Variants in BTBD8 observed in about 807,000 individuals in gnomAD.
BTBD8 encodes BTB domain containing 8, also known as BTB/POZ domain-containing protein 8.
BTBD8 carries 110 observed loss-of-function variants against 162.9 expected under a neutral mutation model. The ratio of observed to expected loss-of-function variants is 0.68; its 90% CI spans 0.58 to 0.79. The LOEUF is 0.79. Among genes scored for constraint, BTBD8 ranks in the 30% least tolerant of loss-of-function variants. The pLI, the probability that BTBD8 is intolerant of heterozygous loss-of-function variation, is 0.00. For synonymous variants in BTBD8, 667 were observed against 716.1 expected (o/e 0.93, Z 1.10); for missense variants, 1,905 against 2,085.4 (o/e 0.91, Z 1.68).
rs151121487 is a variant in BTBD8, at chr1:92,162,368, A to G, written c.1123-4590A>G. On this transcript the variant is annotated intron_variant, in intron 9 of 17. Transcript: ENST00000636805. ...CATCCCTGAGGGCAAGCCTTGACCA[A>G]TGGGAGATGAGAGCCAGTGGTTAAT... 1.7e-3 allele frequency among the ~76,000 whole-genome samples: 266 copies of G among 152,318 alleles called. 3 individuals carry two copies. The highest frequency in any genetic ancestry group is 5.8e-3 in the African/African-American group (243 of 41,570).
intron 4 of BTBD8, among the ~76,000 whole-genome samples, chr1:92,127,809 C>T (rs1649400689): frequency 6.8e-6 from 1 of 147,896 alleles, no homozygotes; most frequent in Non-Finnish European, 1.5e-5. Context: ...GATCCGCCCG[C>T]CATGGCCTCC....
Position 92,184,076 on chromosome 1 carries a change from GATTCAAACTTAGATGTTACA to G in BTBD8, c.5127_5146del (p.Asp1709GlufsTer5), listed in dbSNP as rs1651007719. 1.3e-6 allele frequency: 2 copies of G among 1,551,506 alleles called. No individual in the cohort carries two copies. The highest frequency in any genetic ancestry group is 1.7e-6 in the Non-Finnish European group (2 of 1,146,886). On this transcript the variant is annotated frameshift_variant, in exon 18 of 18. Transcript: ENST00000636805. LOFTEE classifies it high-confidence loss of function. ...ACTAAAGCAACTGCTCTCTGAACAGGATTCAAACTTAGATGTTACAAATTCCGTTCCTGAAGACTTAAGTT... is the reference window on the plus strand; with the variant it reads ...ACTAAAGCAACTGCTCTCTGAACAGGAATTCCGTTCCTGAAGACTTAAGTT...
At chr1:92,155,871 G>T (rs1601020) in intron 9 of BTBD8, among the ~76,000 whole-genome samples, 97,152 of 151,860 alleles carry the variant, frequency 0.64, 31,581 homozygotes, top group East Asian at 0.97. Context: ...TATGTTATCT[G>T]CAAGCAGGGA....
chr1:92,181,105 G>A lies in BTBD8; in HGVS notation c.3422G>A (p.Cys1141Tyr). The change falls in exon 17 of 18, where the codon TGT becomes TAT. Residue 1141 changes from cysteine to tyrosine, a missense_variant. By Grantham distance (194) the Cys-to-Tyr change is radical. Transcript: ENST00000636805. ...KDTNKQSSIKCVEDVSLCNPE... is the reference protein window; with the variant it reads ...KDTNKQSSIKYVEDVSLCNPE... ...ACAAACAAACAATCAAGTATTAAAT[G>A]TGTGGAAGATGTTTCACTGTGTAAT... 2 of 1,551,630 alleles carry A rather than the reference G, an allele frequency of 1.3e-6. No individual in the cohort carries two copies. The highest frequency in any genetic ancestry group is 2.0e-5 in the Admixed American group (1 of 51,000).
At chr1:92,109,825 C>T (rs1049169586) in intron 4 of BTBD8, among the ~76,000 whole-genome samples, 6 of 152,120 alleles carry the variant, frequency 3.9e-5, no homozygotes, top group Non-Finnish European at 4.4e-5. Flanking sequence ...TGATCATTGT[C>T]AGCATTCTTC....
chr1:92,153,700 G>A (rs1650096916), intron 9 of BTBD8, among the ~76,000 whole-genome samples: 1 of 152,134 alleles, frequency 6.6e-6, no homozygotes, highest in Admixed American at 6.5e-5. Context: ...TCTTTTTAAA[G>A]AATGAATAAT....
chr1:92,160,327 G>A (rs1216379313), intron 9 of BTBD8, among the ~76,000 whole-genome samples: 2 of 151,976 alleles, frequency 1.3e-5, no homozygotes, highest in African/African-American at 2.4e-5. Flanking sequence ...TTCTCTGTGA[G>A]CTAAATCATA....
rs945759605 is a variant in BTBD8, at chr1:92,184,222, A to T, written c.5271A>T (p.Leu1757=). The stretch of plus-strand genomic sequence containing the variant: ...ACACTTTGAACAGATGGAGTGAACT[A>T]ACATCTCCACTTGATTCCTCAGCGA... The part of the protein sequence containing the change: ...HIDTLNRWSE[L]TSPLDSSASI... Residue 1757 remains leucine (L), a synonymous_variant, in exon 18 of 18, where the codon CTA becomes CTT. Transcript: ENST00000636805. The T allele has an allele frequency of 3.8e-5, 59 of 1,551,350 alleles. No homozygotes were observed. The highest frequency in any genetic ancestry group is 4.8e-5 in the Non-Finnish European group (55 of 1,146,714).
intron 2 of BTBD8, among the ~76,000 whole-genome samples, chr1:92,096,672 G>A (rs993744284): frequency 3.3e-5 from 5 of 151,658 alleles, no homozygotes; most frequent in African/African-American, 1.2e-4. Context: ...TGAGTAGCTG[G>A]GACTACAGGT....
chr1:92,126,465 A>C (rs1428077162), intron 4 of BTBD8: 1 of 888,776 alleles, frequency 1.1e-6, no homozygotes, highest in African/African-American at 1.7e-5. Flanking sequence ...TCACTGTCTG[A>C]AATCTGCCTC....
chr1:92,126,050 G>A (rs1158861264), intron 4 of BTBD8: 2 of 486,726 alleles, frequency 4.1e-6, no homozygotes, highest in Non-Finnish European at 8.2e-6. Flanking sequence ...CACTGAGAAT[G>A]TGGAAGATGT....
At chr1:92,080,767 AC>A in intron 1 of BTBD8, 47 bp downstream of exon 1, 1 of 1,566,728 alleles carries the variant, frequency 6.4e-7, no homozygotes. Context: ...TAAATCGCCC[AC>A]CTCCGCCCCG....
intron 9 of BTBD8, among the ~76,000 whole-genome samples, chr1:92,166,140 T>G (rs1444147093): frequency 1.3e-5 from 2 of 152,128 alleles, no homozygotes; most frequent in Non-Finnish European, 2.9e-5. Context: ...TAATGAATGA[T>G]GAAATGAATA....
Position 92,180,607 on chromosome 1 carries a change from A to T in BTBD8, c.2924A>T (p.Asp975Val). The T allele has an allele frequency of 6.4e-7, 1 of 1,551,350 alleles. No individual in the cohort carries two copies. The highest frequency in any genetic ancestry group is 1.2e-5 in the South Asian group (1 of 83,900). The change falls in exon 17 of 18, where the codon GAT becomes GTT. Residue 975 changes from aspartate (D) to valine (V), a missense_variant. Transcript: ENST00000636805. ...VQKSMFHDVR[D>V]NNNKDSVSEQ... is the part of the protein sequence containing the mutation. ...AAAAGTATGTTTCATGATGTGCGTG[A>T]TAATAACAACAAGGACAGTGTTTCT...
chr1:92,155,495 A>G (rs565800322), intron 9 of BTBD8, among the ~76,000 whole-genome samples: 59 of 152,276 alleles, frequency 3.9e-4, no homozygotes, highest in African/African-American at 1.3e-3. Context: ...GCTGGAATGC[A>G]GTGGCATGAT....
At chr1:92,154,540 A>G (rs1180072286) in intron 9 of BTBD8, among the ~76,000 whole-genome samples, 1 of 152,220 alleles carries the variant, frequency 6.6e-6, no homozygotes, top group Admixed American at 6.5e-5. Context: ...GATTAATGAC[A>G]TAGAACATCT....
intron 5 of BTBD8, among the ~76,000 whole-genome samples, chr1:92,131,580 T>C (rs538661772): frequency 1.3e-5 from 2 of 152,074 alleles, no homozygotes; most frequent in African/African-American, 4.8e-5. Flanking sequence ...AAAAATTAGC[T>C]GGGCATGATG....
chr1:92,158,796 GACAGGATCTC>G (rs1650219379), intron 9 of BTBD8, among the ~76,000 whole-genome samples: 1 of 152,010 alleles, frequency 6.6e-6, no homozygotes, highest in Non-Finnish European at 1.5e-5. Flanking sequence ...AAAAATTTAA[GACAGGATCTC>G]ACTCTGTCAC....
At chr1:92,082,253 A>G (rs1456914360) in intron 1 of BTBD8, among the ~76,000 whole-genome samples, 1 of 152,220 alleles carries the variant, frequency 6.6e-6, no homozygotes, top group African/African-American at 2.4e-5. Context: ...ATGCTCACCC[A>G]ACCACCTTAA....
Sources: allele counts gnomAD v4.1 joint callset (sites outside exome capture counted in the v4.1 genomes callset), GRCh38; gene constraint gnomAD v4.1.1; transcripts MANE v1.5; gene names NCBI Gene and HGNC (gene_info 2026-07-23, HGNC 2026-07-21).